Variants in MGST1 observed in about 807,000 individuals in gnomAD.
MGST1 encodes microsomal glutathione S-transferase 1, also known as glutathione S-transferase 12.
A neutral mutation model predicts 8.9 loss-of-function variants in MGST1; 5 were observed. The ratio of observed to expected loss-of-function variants is 0.56; its 90% CI spans 0.29 to 1.19. The LOEUF (loss-of-function observed/expected upper bound fraction) is 1.19, where lower values mean the gene tolerates loss of function less well. Ranked by LOEUF, MGST1 falls within the 50% of genes most tolerant of loss-of-function variation. MGST1 has a pLI of 0.08. For synonymous variants in MGST1, 54 were observed against 67.8 expected, an observed-to-expected ratio of 0.80 and a Z score of 1.00; for missense variants, 182 against 187.4, an observed-to-expected ratio of 0.97 and a Z score of 0.17.
intron 4 of MGST1, among the ~76,000 whole-genome samples, chr12:16,557,991 A>ACTT (rs1346869660): frequency 7.9e-5 from 12 of 152,076 alleles, no homozygotes; most frequent in African/African-American, 2.7e-4. Context: ...TGAAGATACA[A>ACTT]CTTATATATC....
At chr12:16,539,461 A>G (rs541916585) in intron 4 of MGST1, among the ~76,000 whole-genome samples, 2 of 152,170 alleles carry the variant, frequency 1.3e-5, no homozygotes, top group African/African-American at 2.4e-5. Flanking sequence ...GATAATTTCA[A>G]TGCAATGAGT....
chr12:16,560,559 T>A lies in MGST1; in HGVS notation n.483-28969T>A. 1 of 1,601,718 alleles carries A rather than the reference T, an allele frequency of 6.2e-7. No homozygotes were observed. The highest frequency in any genetic ancestry group is 1.1e-5 in the South Asian group (1 of 88,614). ...AGAGCCTAGAATAAGAAACATTTTT[T>A]TTTTTTTACAAACTCTTACAGAGAA... On this transcript the variant is annotated intron_variant and non_coding_transcript_variant, in intron 4 of 4. Coordinates refer to the MGST1 transcript ENST00000538857. The surrounding 1 kb of genome is among the most constrained non-coding windows in gnomAD (Gnocchi z 5.0).
intron 1 of MGST1, among the ~76,000 whole-genome samples, chr12:16,392,796 C>A (rs1940565123): frequency 6.6e-6 from 1 of 151,084 alleles, no homozygotes; most frequent in Non-Finnish European, 1.5e-5. Context: ...AAAGATATAT[C>A]TGTATACATA....
chr12:16,394,540 T>C lies in MGST1; in HGVS notation n.778+10936T>C, dbSNP rs1365159012. Among the ~76,000 whole-genome samples, 99 of 61,770 alleles carry C rather than the reference T, an allele frequency of 1.6e-3. 3 individuals are homozygous for C. The East Asian group carries it at 0.16, about 99-fold the overall frequency. The allele number at this position is 61,770 out of a possible 152,430, so 40.5% of individuals were successfully genotyped here. On this transcript the variant is annotated intron_variant and non_coding_transcript_variant, in intron 1 of 1. Coordinates refer to the MGST1 transcript ENST00000359720. ...TTTCTTTCTTTCTTTCTTTCTTTCT[T>C]TCTTTCTTTCTTTCTTTCTTTCTTT...
chr12:16,356,040 G>T (rs1939700263), intron 2 of MGST1, among the ~76,000 whole-genome samples: 1 of 152,090 alleles, frequency 6.6e-6, no homozygotes, highest in Non-Finnish European at 1.5e-5. Context: ...GAGAGAGAAG[G>T]AAGCAAACTC....
chr12:16,549,505 T>TAATA (rs1284608338), intron 4 of MGST1: 17 of 152,574 alleles, frequency 1.1e-4, no homozygotes, highest in African/African-American at 3.4e-4. Context: ...ATTTTCAGCT[T>TAATA]AATATTTTGG....
In MGST1 at chr12:16,405,039, A is replaced by G. The variant is rs139777487; in HGVS notation, n.778+21435A>G. Among the ~76,000 whole-genome samples the G allele has an allele frequency of 1.3e-3, 192 of 152,334 alleles. 3 individuals are homozygous for G. In the East Asian group the frequency reaches 0.031, roughly 25 times the overall value. On this transcript the variant is annotated intron_variant and non_coding_transcript_variant, in intron 1 of 1. Transcript: ENST00000359720. ...GGGACACAGCTAAGGCAGTGTTAAG[A>G]GGGAAGTTTATATTAATAGAACATC...
chr12:16,517,661 A>G lies in MGST1; in HGVS notation n.483-71867A>G, dbSNP rs1591750017. Reference sequence around the variant, plus strand: ...AGCAAATCATGGAACAATGGCCATGACAGAGTGTTGCAAGCCAACTTGGCT... The same window carrying G: ...AGCAAATCATGGAACAATGGCCATGGCAGAGTGTTGCAAGCCAACTTGGCT... On this transcript the variant is annotated intron_variant and non_coding_transcript_variant, in intron 4 of 4. Transcript: ENST00000538857. This position sits in a 1 kb window ranked among gnomAD's most constrained non-coding sequence, Gnocchi z 4.2. 6.6e-6 allele frequency among the ~76,000 whole-genome samples: 1 copy of G among 152,204 alleles called. No homozygotes were observed. The highest frequency in any genetic ancestry group is 1.9e-4 in the East Asian group (1 of 5,192).
In MGST1 at chr12:16,399,946, A is replaced by G. The variant is rs569637624; in HGVS notation, n.778+16342A>G. On this transcript the variant is annotated intron_variant and non_coding_transcript_variant, in intron 1 of 1. Coordinates refer to the MGST1 transcript ENST00000359720. ...TGTCACCACAAAAGGTGGCCATTCC[A>G]TAGCATTTACCAGCGCACTACTAGT... 28 of 1,326,768 alleles carry G rather than the reference A, an allele frequency of 2.1e-5. No individual in the cohort carries two copies. In the South Asian group the frequency reaches 2.5e-4, roughly 12 times the overall value. The allele number at this position is 1,326,768 out of a possible 1,614,324, so 82.2% of individuals were successfully genotyped here.
chr12:16,542,170 T>C (rs1266976027), intron 4 of MGST1, among the ~76,000 whole-genome samples: 2 of 152,190 alleles, frequency 1.3e-5, no homozygotes, highest in East Asian at 3.8e-4. Flanking sequence ...AAATCCTCCA[T>C]TGATTAATTT....
intron 1 of MGST1, among the ~76,000 whole-genome samples, chr12:16,398,049 ACTTTT>A (rs1168015973): frequency 3.3e-5 from 5 of 150,378 alleles, no homozygotes; most frequent in Non-Finnish European, 1.5e-5. Flanking sequence ...CATATATTTT[ACTTTT>A]CTTATAGAGT....
At chr12:16,507,915 G>A (rs1004408732) in intron 4 of MGST1, among the ~76,000 whole-genome samples, 2 of 152,180 alleles carry the variant, frequency 1.3e-5, no homozygotes, top group African/African-American at 4.8e-5. Context: ...CAATAGGAAG[G>A]AAGAGGAGAT....
Position 16,369,666 on chromosome 12 carries a change from G to A in MGST1, c.222-6456G>A, listed in dbSNP as rs1335269184. On this transcript the variant is annotated intron_variant, in intron 3 of 3. Coordinates refer to the MGST1 transcript ENST00000535309. The surrounding 1 kb of genome is among the most constrained non-coding windows in gnomAD (Gnocchi z 4.8). ...CAACTGCTTTTGTGTCACAATGGCA[G>A]AGTGGCGTAGTTGAATTGTTGCAGT... 1 of 152,162 alleles carries A rather than the reference G, an allele frequency of 6.6e-6. No homozygotes were observed. Among genetic ancestry groups the A allele is most frequent in the Non-Finnish European group, 1.5e-5 (1 of 68,020 alleles). 9.4% of individuals were successfully genotyped at this position (152,162 alleles called of 1,614,324 possible).
At chr12:16,400,600 TC>T in intron 1 of MGST1, 1 of 1,098,338 alleles carries the variant, frequency 9.1e-7, no homozygotes, top group Non-Finnish European at 1.4e-6. Flanking sequence ...TACTGTCTGT[TC>T]CCCGGTCATC....
intron 4 of MGST1, among the ~76,000 whole-genome samples, chr12:16,508,076 T>A (rs1054039146): frequency 1.6e-4 from 25 of 152,164 alleles, no homozygotes; most frequent in Admixed American, 2.6e-4. Context: ...GATCTCTTTA[T>A]GTACTTAGGG....
rs1942166023 is a variant in MGST1, at chr12:16,555,695, C to T, written n.483-33833C>T. On this transcript the variant is annotated intron_variant and non_coding_transcript_variant, in intron 4 of 4. Coordinates refer to the MGST1 transcript ENST00000538857. The surrounding 1 kb of genome is among the most constrained non-coding windows in gnomAD (Gnocchi z 5.5). ...TCTACTCCTCCATGTGCCTACCAAA[C>T]CGCTTCTCTAATCTCTGAACATACT... Among the ~76,000 whole-genome samples, 1 of 152,200 alleles carries T rather than the reference C, an allele frequency of 6.6e-6. No individual in the cohort carries two copies. The highest frequency in any genetic ancestry group is 1.5e-5 in the Non-Finnish European group (1 of 68,030).
chr12:16,551,204 TG>T, intron 4 of MGST1: 1 of 1,428,870 alleles, frequency 7.0e-7, no homozygotes, highest in Non-Finnish European at 9.9e-7. Flanking sequence ...GTATTCTTAA[TG>T]GGGTGATGTT....
chr12:16,376,102 A>AT (rs71054810), intron 3 of MGST1: 726 of 1,281,852 alleles, frequency 5.7e-4, no homozygotes, highest in Middle Eastern at 9.3e-4. Context: ...TAAAAATCTT[A>AT]TTTTTTTTTA....
intron 4 of MGST1, among the ~76,000 whole-genome samples, chr12:16,556,409 A>G (rs1942191041): frequency 6.6e-6 from 1 of 151,998 alleles, no homozygotes; most frequent in African/African-American, 2.4e-5. Flanking sequence ...AAAGGGGCAG[A>G]GGAGATCTAT....
Sources: allele counts gnomAD v4.1 joint callset (sites outside exome capture counted in the v4.1 genomes callset), GRCh38; gene constraint gnomAD v4.1.1; non-coding constraint Gnocchi (gnomAD v3.1); transcripts MANE v1.5; gene names NCBI Gene and HGNC (gene_info 2026-07-23, HGNC 2026-07-21).